The following SPTBN4 variants were observed in gnomAD, a reference collection of about 807,000 sequenced individuals.
The protein encoded by SPTBN4 is spectrin beta, non-erythrocytic 4, also known as spectrin beta chain, non-erythrocytic 4.
Under a neutral mutation model 277.8 loss-of-function variants are expected in SPTBN4, and 96 were observed. That is an observed-to-expected ratio of 0.35 (90% CI 0.29 to 0.41). The LOEUF (loss-of-function observed/expected upper bound fraction) is 0.41. Ranked by LOEUF, SPTBN4 falls within the 10% of genes least tolerant of loss-of-function variation. The probability of loss-of-function intolerance (pLI) is 1.00; values close to 1 mark genes in which losing one functional copy is unlikely to be tolerated. For synonymous variants in SPTBN4, 1,481 were observed against 1,580.3 expected, an observed-to-expected ratio of 0.94 and a Z score of 1.49; for missense variants, 3,006 against 3,595.7, an observed-to-expected ratio of 0.84 and a Z score of 4.19.
chr19:40,541,800 A>C (rs906829970), intron 20 of SPTBN4, among the ~76,000 whole-genome samples: 1 of 152,184 alleles, frequency 6.6e-6, no homozygotes, highest in Non-Finnish European at 1.5e-5. Context: ...GCTGGAGTGC[A>C]GTGGCGCGAT....
At chr19:40,486,994 G>A (rs777114596) in intron 2 of SPTBN4, among the ~76,000 whole-genome samples, 1 of 151,432 alleles carries the variant, frequency 6.6e-6, no homozygotes, top group Non-Finnish European at 1.5e-5. Context: ...AGAGGGTCGG[G>A]GAAGGCGTCA....
chr19:40,483,933 C>A (rs1374348346), intron 2 of SPTBN4, among the ~76,000 whole-genome samples: 1 of 152,144 alleles, frequency 6.6e-6, no homozygotes, highest in African/African-American at 2.4e-5. Context: ...ATTTGGCTTT[C>A]TTCAGTGGAT....
chr19:40,512,886 C>T lies in SPTBN4; in HGVS notation c.2097C>T (p.Ala699=), dbSNP rs772480196. The T allele has an allele frequency of 6.9e-7, 1 of 1,446,416 alleles. No individual in the cohort carries two copies. Among genetic ancestry groups the T allele is most frequent in the South Asian group, 1.4e-5 (1 of 72,462 alleles). 89.6% of individuals were successfully genotyped at this position (1,446,416 alleles called of 1,614,324 possible). A position where few individuals can be genotyped will look rare whatever the true frequency, so the allele number is the denominator to read the frequency against. ...TGTCCAGCACAGCGCGCCTCCTGGC[C>T]CAGCACAAGATCCTGCAGGGCGAGC... The part of the protein sequence containing the change: ...HDLSSTARLL[A]QHKILQGELG... The change falls in exon 14 of 36, where the codon GCC becomes GCT. Residue 699 remains alanine, a synonymous_variant. Coordinates refer to ENST00000598249, the MANE Select transcript of SPTBN4 (RefSeq NM_020971.3).
In SPTBN4 at chr19:40,488,629, G is replaced by GGTTTGTTT. The variant is rs751151203; in HGVS notation, c.321+794_321+801dup. ...AACATAATGAGACCCCCGTCTCTAC[G>GGTTTGTTT]GTTTGTTTGTTTGTTTGTTTATTTG... On this transcript the variant is annotated intron_variant, in intron 3 of 35. Transcript: ENST00000598249. Among the ~76,000 whole-genome samples, 121 of 152,086 alleles carry GGTTTGTTT rather than the reference G, an allele frequency of 8.0e-4. 1 individual carries two copies. The highest frequency in any genetic ancestry group is 2.7e-3 in the African/African-American group (111 of 41,482).
chr19:40,541,128 CCTT>C (rs1450515703), intron 20 of SPTBN4, among the ~76,000 whole-genome samples: 1 of 152,146 alleles, frequency 6.6e-6, no homozygotes. Context: ...CCATCTTTGA[CCTT>C]CTTTTGTACT....
At chr19:40,520,287 G>A (rs2145877810) in intron 16 of SPTBN4, 136 bp downstream of exon 16, 2 of 964,346 alleles carry the variant, frequency 2.1e-6, no homozygotes, top group East Asian at 3.2e-5. Context: ...GGAGGTGAGA[G>A]AGTATCCGGA....
At chr19:40,550,721 G>T (rs1458808348) in intron 22 of SPTBN4, among the ~76,000 whole-genome samples, 1 of 151,910 alleles carries the variant, frequency 6.6e-6, no homozygotes. Flanking sequence ...GTTTCACCAG[G>T]TTGGCCAGGC....
At chr19:40,530,534 G>A in intron 18 of SPTBN4, 2 of 980,642 alleles carry the variant, frequency 2.0e-6, no homozygotes, top group Non-Finnish European at 2.4e-6. Flanking sequence ...GCAGTTGAGG[G>A]GCGAGCACCC....
At chr19:40,553,580 A>G (rs1465020850) in intron 22 of SPTBN4, among the ~76,000 whole-genome samples, 3 of 152,218 alleles carry the variant, frequency 2.0e-5, no homozygotes, top group Non-Finnish European at 2.9e-5. Context: ...CAAAAAGTTA[A>G]ATAAGGTACT....
chr19:40,517,379 G>A (rs1045399192), intron 15 of SPTBN4, among the ~76,000 whole-genome samples: 5 of 150,582 alleles, frequency 3.3e-5, no homozygotes, highest in Non-Finnish European at 5.9e-5. Context: ...AGCCTTCACC[G>A]CCCCCGACCC....
chr19:40,502,134 G>A lies in SPTBN4; in HGVS notation c.904G>A (p.Asp302Asn). Residue 302 changes from aspartate (D) to asparagine (N), a missense_variant, in exon 9 of 36, where the codon GAC becomes AAC. Coordinates refer to ENST00000598249, the MANE Select transcript of SPTBN4 (RefSeq NM_020971.3). The surrounding 1 kb of genome is among the most constrained non-coding windows in gnomAD (Gnocchi z 4.9). ...CCTTCCTCTGCTGTGTCAGGTCTTGGACCAGGTATTGGAGGTGGGGAAGAT... is the reference window on the plus strand; with the variant it reads ...CCTTCCTCTGCTGTGTCAGGTCTTGAACCAGGTATTGGAGGTGGGGAAGAT... The part of the protein sequence containing the change: ...VEGKRIGKVL[D>N]QVLEVGKIIE... The A allele has an allele frequency of 6.2e-7, 1 of 1,613,690 alleles. No homozygotes were observed. Among genetic ancestry groups the A allele is most frequent in the Non-Finnish European group, 8.5e-7 (1 of 1,179,842 alleles).
At chr19:40,534,040 C>CT (rs1568818678) in intron 19 of SPTBN4, 40 bp from the exon 20 acceptor site, 4 of 1,562,574 alleles carry the variant, frequency 2.6e-6, no homozygotes, top group Non-Finnish European at 3.5e-6. Flanking sequence ...CACCATCTAT[C>CT]TATCTTCTCC....
intron 3 of SPTBN4, 113 bp downstream of exon 3, chr19:40,487,961 G>C (rs971957049): frequency 1.6e-6 from 2 of 1,244,358 alleles, no homozygotes; most frequent in Non-Finnish European, 2.1e-6. Context: ...TGGGCGAGTG[G>C]AACGTGCTGG....
chr19:40,488,226 G>C (rs1230335714), intron 3 of SPTBN4, among the ~76,000 whole-genome samples: 5 of 152,026 alleles, frequency 3.3e-5, no homozygotes, highest in African/African-American at 1.2e-4. Context: ...ATAAAACAGG[G>C]GCAGAACTGT....
intron 13 of SPTBN4, among the ~76,000 whole-genome samples, chr19:40,509,729 C>T (rs2080370310): frequency 6.6e-6 from 1 of 152,194 alleles, no homozygotes. Context: ...CTGGAGCCCA[C>T]AGCCCTTTGG....
chr19:40,570,293 C>T (rs2081141570), intron 32 of SPTBN4, 143 bp from the exon 33 acceptor site: 1 of 478,850 alleles, frequency 2.1e-6, no homozygotes, highest in Non-Finnish European at 3.6e-6. Flanking sequence ...AATTGGGCCT[C>T]CAACCCTGAG....
At chr19:40,505,561 A>T (rs919804122) in intron 12 of SPTBN4, among the ~76,000 whole-genome samples, 11 of 151,774 alleles carry the variant, frequency 7.2e-5, no homozygotes, top group Non-Finnish European at 1.5e-4. Flanking sequence ...GGCGAAGTAC[A>T]TCTAATCGGG....
rs2080124290 is a variant in SPTBN4, at chr19:40,490,412, A to C, written c.495+164A>C. 1.3e-5 allele frequency among the ~76,000 whole-genome samples: 2 copies of C among 152,200 alleles called. No individual in the cohort carries two copies. Among genetic ancestry groups the C allele is most frequent in the African/African-American group, 4.8e-5 (2 of 41,434 alleles). On this transcript the variant is annotated intron_variant, in intron 4 of 35. Coordinates refer to ENST00000598249, the MANE Select transcript of SPTBN4 (RefSeq NM_020971.3). The surrounding 1 kb of genome is among the most constrained non-coding windows in gnomAD (Gnocchi z 4.3). ...AATGATAAAAATAATTGTCACGATCACCACCATCACGATAATCATTTTGTA... is the reference window on the plus strand; with the variant it reads ...AATGATAAAAATAATTGTCACGATCCCCACCATCACGATAATCATTTTGTA...
intron 1 of SPTBN4, among the ~76,000 whole-genome samples, chr19:40,471,905 ATTTT>A (rs34333509): frequency 3.7e-5 from 4 of 109,412 alleles, no homozygotes; most frequent in African/African-American, 6.6e-5. Context: ...ACATCCAGCT[ATTTT>A]TTTTTTTTTT....
Sources: gnomAD v4.1 joint callset for allele counts (sites outside exome capture counted in the v4.1 genomes callset) on GRCh38, gnomAD v4.1.1 for gene constraint, Gnocchi (gnomAD v3.1) non-coding constraint, MANE v1.5 for transcripts, NCBI Gene and HGNC (gene_info 2026-07-23, HGNC 2026-07-21) for gene names.